CRACR2A: variants seen among roughly 807,000 people sequenced by gnomAD.
CRACR2A encodes calcium release activated channel regulator 2A, also known as EF-hand calcium-binding domain-containing protein 4B.
A neutral mutation model predicts 90.5 loss-of-function variants in CRACR2A; 79 were observed. The observed-to-expected ratio is 0.87, with a 90% CI of 0.73 to 1.05. CRACR2A has a LOEUF of 1.05. Among genes scored for constraint, CRACR2A ranks in the 50% least tolerant of loss-of-function variants. CRACR2A has a pLI of 0.00. For synonymous variants in CRACR2A, 338 were observed against 356.7 expected, an observed-to-expected ratio of 0.95 and a Z score of 0.59; for missense variants, 823 against 897.2, an observed-to-expected ratio of 0.92 and a Z score of 1.06.
chr12:3,653,141 C>G (rs1944825634), intron 10 of CRACR2A, among the ~76,000 whole-genome samples: 1 of 152,186 alleles, frequency 6.6e-6, no homozygotes, highest in African/African-American at 2.4e-5. Flanking sequence ...CGCCATCATG[C>G]CTGGCTAATT....
At chr12:3,735,037 G>A (rs2137874020) in intron 1 of CRACR2A, among the ~76,000 whole-genome samples, 1 of 152,076 alleles carries the variant, frequency 6.6e-6, no homozygotes, top group East Asian at 1.9e-4. Context: ...ACACAAAAAT[G>A]GTAACTAGGT....
chr12:3,715,687 T>C (rs558015510), intron 2 of CRACR2A, among the ~76,000 whole-genome samples: 1 of 152,262 alleles, frequency 6.6e-6, no homozygotes, highest in South Asian at 2.1e-4. Context: ...CTTCAAAAAG[T>C]TCATAAAAAT....
intron 8 of CRACR2A, among the ~76,000 whole-genome samples, chr12:3,657,039 G>A (rs1469952867): frequency 6.6e-6 from 1 of 152,222 alleles, no homozygotes; most frequent in Non-Finnish European, 1.5e-5. Flanking sequence ...AAGCAGGTGA[G>A]AAGGGGCCTG....
At chr12:3,745,177 T>C (rs10848919) in intron 1 of CRACR2A, among the ~76,000 whole-genome samples, 75,476 of 151,742 alleles carry the variant, frequency 0.5, 19,172 homozygotes, top group Middle Eastern at 0.57. Context: ...GTATCCGGGG[T>C]GTCTGTTCAA....
chr12:3,693,486 G>T (rs1342798108), intron 4 of CRACR2A, among the ~76,000 whole-genome samples: 1 of 152,188 alleles, frequency 6.6e-6, no homozygotes, highest in Non-Finnish European at 1.5e-5. Context: ...AGGGAGATGG[G>T]TTTCTTGTAA....
At chr12:3,681,457 G>A (rs1196172239) in intron 4 of CRACR2A, among the ~76,000 whole-genome samples, 1 of 152,232 alleles carries the variant, frequency 6.6e-6, no homozygotes, top group Non-Finnish European at 1.5e-5. Context: ...CTGAGCTGTT[G>A]CTGCTCCCTT....
intron 5 of CRACR2A, 30 bp downstream of exon 5, chr12:3,680,208 C>A: frequency 6.3e-7 from 1 of 1,583,658 alleles, no homozygotes; most frequent in South Asian, 1.1e-5. Flanking sequence ...ACCCATAACC[C>A]TGAGGTCCCC....
chr12:3,619,298 G>C lies in CRACR2A; in HGVS notation c.2007C>G (p.Pro669=). The C allele has an allele frequency of 6.4e-7, 1 of 1,551,630 alleles. No individual in the cohort carries two copies. Among genetic ancestry groups the C allele is most frequent in the Non-Finnish European group, 8.7e-7 (1 of 1,146,972 alleles). Residue 669 remains proline, a synonymous_variant, in exon 18 of 20, where the codon CCC becomes CCG. Coordinates refer to ENST00000440314, the MANE Select transcript of CRACR2A (RefSeq NM_001144958.2). ...TGGCAAGCTGCTCTCCGAGGCCCCGGGGGACTTCCCGCTCCTTCTCGTTGT... is the reference window on the plus strand; with the variant it reads ...TGGCAAGCTGCTCTCCGAGGCCCCGCGGGACTTCCCGCTCCTTCTCGTTGT... The part of the protein sequence containing the change: ...KLDNEKEREV[P]RGLGEQLATE...
At chr12:3,732,237 C>G (rs978741308) in intron 2 of CRACR2A, 11 of 152,292 alleles carry the variant, frequency 7.2e-5, no homozygotes, top group African/African-American at 2.6e-4. Context: ...GGCTGAGTAC[C>G]CGACCTTGTG....
chr12:3,623,416 C>A (rs1944188463), intron 17 of CRACR2A, among the ~76,000 whole-genome samples: 1 of 152,110 alleles, frequency 6.6e-6, no homozygotes, highest in Non-Finnish European at 1.5e-5. Flanking sequence ...CTCAGCATCC[C>A]AGGACTGCAG....
intron 1 of CRACR2A, among the ~76,000 whole-genome samples, chr12:3,743,312 T>C (rs1181818868): frequency 6.6e-6 from 1 of 152,254 alleles, no homozygotes; most frequent in African/African-American, 2.4e-5. Context: ...GTACTAAAAC[T>C]GCATTCCTTA....
At position 3,664,202 on chromosome 12, in the gene CRACR2A, T is replaced by A. The variant is rs906642953; in HGVS notation, c.672-4548A>T. 7.2e-5 allele frequency among the ~76,000 whole-genome samples: 11 copies of A among 152,366 alleles called. 1 individual carries two copies. Among genetic ancestry groups the A allele is most frequent in the Admixed American group, 7.2e-4 (11 of 15,314 alleles). On this transcript the variant is annotated intron_variant, in intron 7 of 19. Transcript: ENST00000440314. Reference sequence around the variant, plus strand: ...ATTGGTTTCTAGTTTTATTATATTATAGTAAGAAATGGTTTTGGAATCTAT... The same window carrying A: ...ATTGGTTTCTAGTTTTATTATATTAAAGTAAGAAATGGTTTTGGAATCTAT...
chr12:3,748,789 C>T lies in CRACR2A; in HGVS notation c.-387+4226G>A, dbSNP rs116665564. On this transcript the variant is annotated intron_variant, in intron 1 of 19. Coordinates refer to ENST00000440314, the MANE Select transcript of CRACR2A (RefSeq NM_001144958.2). ...GGTGTGGAGCCTGTAGAGGACAAACCTGACTGAGGGTTGTCCTCCCCCTCA... is the reference window on the plus strand; with the variant it reads ...GGTGTGGAGCCTGTAGAGGACAAACTTGACTGAGGGTTGTCCTCCCCCTCA... 7.4e-3 allele frequency among the ~76,000 whole-genome samples: 1,129 copies of T among 152,294 alleles called. 15 individuals are homozygous for T. The highest frequency in any genetic ancestry group is 0.026 in the African/African-American group (1,076 of 41,556).
At chr12:3,752,365 C>CACACAG (rs1169130351) in intron 1 of CRACR2A, among the ~76,000 whole-genome samples, 14 of 78,936 alleles carry the variant, frequency 1.8e-4, no homozygotes, top group African/African-American at 4.5e-4. Flanking sequence ...CGGACACACA[C>CACACAG]ACACAGACAC....
chr12:3,734,246 G>T (rs1946411569), intron 1 of CRACR2A, among the ~76,000 whole-genome samples: 1 of 150,088 alleles, frequency 6.7e-6, no homozygotes, highest in Admixed American at 6.8e-5. Context: ...CAAAGTGCTG[G>T]GATTACAGGT....
At chr12:3,697,087 C>A (rs1006048382) in intron 3 of CRACR2A, 52 bp from the exon 4 acceptor site, 1 of 1,498,404 alleles carries the variant, frequency 6.7e-7, no homozygotes, top group Non-Finnish European at 8.9e-7. Context: ...TGGAGTGAGG[C>A]TGAAAAAGAA....
intron 7 of CRACR2A, among the ~76,000 whole-genome samples, chr12:3,663,970 G>T (rs1161316157): frequency 1.3e-5 from 2 of 152,180 alleles, no homozygotes; most frequent in African/African-American, 2.4e-5. Context: ...GTTAGATTTT[G>T]TGTTTGCTAT....
chr12:3,622,010 G>A (rs1437521303), intron 17 of CRACR2A, among the ~76,000 whole-genome samples: 1 of 152,160 alleles, frequency 6.6e-6, no homozygotes, highest in Non-Finnish European at 1.5e-5. Context: ...TGGTATTGGG[G>A]TAGGTGTCTC....
intron 17 of CRACR2A, among the ~76,000 whole-genome samples, chr12:3,622,221 T>G (rs1392212308): frequency 6.6e-6 from 1 of 152,234 alleles, no homozygotes; most frequent in East Asian, 1.9e-4. Context: ...TCTGTTGTCT[T>G]GAGACTGTGA....
Sources: gnomAD v4.1 joint callset for allele counts (sites outside exome capture counted in the v4.1 genomes callset) on GRCh38, gnomAD v4.1.1 for gene constraint, MANE v1.5 for transcripts, NCBI Gene and HGNC (gene_info 2026-07-23, HGNC 2026-07-21) for gene names.